ADGRL3: variants seen among roughly 807,000 people sequenced by gnomAD.
ADGRL3 encodes adhesion G protein-coupled receptor L3.
A neutral mutation model predicts 153.5 loss-of-function variants in ADGRL3; 62 were observed. The observed-to-expected ratio is 0.40, with a 90% CI of 0.33 to 0.50. The LOEUF (loss-of-function observed/expected upper bound fraction) is 0.50. Among genes scored for constraint, ADGRL3 ranks in the 20% least tolerant of loss-of-function variants. The pLI is 0.47. For synonymous variants in ADGRL3, 710 were observed against 672.5 expected, an observed-to-expected ratio of 1.06 and a Z score of -0.86; for missense variants, 1,641 against 1,859.4, an observed-to-expected ratio of 0.88 and a Z score of 2.16.
intron 2 of ADGRL3, among the ~76,000 whole-genome samples, chr4:61,390,548 C>T (rs879534001): frequency 6.6e-6 from 1 of 152,092 alleles, no homozygotes; most frequent in Admixed American, 6.5e-5. Context: ...TGTTCTCTTT[C>T]AGTTGGCAAT....
At chr4:61,755,868 A>G (rs2096823047) in intron 8 of ADGRL3, among the ~76,000 whole-genome samples, 1 of 152,156 alleles carries the variant, frequency 6.6e-6, no homozygotes, top group African/African-American at 2.4e-5. Context: ...ACCATTTATT[A>G]AATAGGGAAT....
chr4:61,684,166 C>T (rs1392293301), intron 6 of ADGRL3, among the ~76,000 whole-genome samples: 2 of 152,012 alleles, frequency 1.3e-5, no homozygotes, highest in African/African-American at 2.4e-5. Flanking sequence ...CCAGTTACAA[C>T]GTACAACATG....
chr4:61,864,555 A>C (rs2149316255), intron 9 of ADGRL3, among the ~76,000 whole-genome samples: 1 of 152,332 alleles, frequency 6.6e-6, no homozygotes, highest in South Asian at 2.1e-4. Context: ...TTATTGTGAT[A>C]GTCACTTACT....
intron 1 of ADGRL3, among the ~76,000 whole-genome samples, chr4:61,302,441 A>G (rs2094608888): frequency 6.7e-6 from 1 of 149,544 alleles, no homozygotes; most frequent in African/African-American, 2.5e-5. Flanking sequence ...TAGGTATTGG[A>G]TTTTTTTTTT....
intron 1 of ADGRL3, among the ~76,000 whole-genome samples, chr4:61,325,505 G>A (rs1464913837): frequency 1.3e-5 from 2 of 152,106 alleles, no homozygotes; most frequent in Non-Finnish European, 2.9e-5. Context: ...AAACTTTGAA[G>A]GTTGAGTGTG....
At chr4:61,921,148 T>G (rs1465554968) in intron 13 of ADGRL3, among the ~76,000 whole-genome samples, 2 of 151,976 alleles carry the variant, frequency 1.3e-5, no homozygotes, top group East Asian at 3.9e-4. Context: ...TAAAAAAAAC[T>G]TTTAAAAGCT....
At chr4:61,648,443 T>C (rs181291259) in intron 5 of ADGRL3, among the ~76,000 whole-genome samples, 41 of 150,386 alleles carry the variant, frequency 2.7e-4, no homozygotes, top group African/African-American at 9.7e-4. Flanking sequence ...CCTTTCCAGG[T>C]CAGTAAGTTA....
intron 9 of ADGRL3, among the ~76,000 whole-genome samples, chr4:61,853,411 C>T (rs2098230053): frequency 6.6e-6 from 1 of 152,132 alleles, no homozygotes; most frequent in African/African-American, 2.4e-5. Context: ...CAGATTGTCC[C>T]TTCGCAAACC....
chr4:61,229,011 C>T (rs17090414), intron 1 of ADGRL3, among the ~76,000 whole-genome samples: 1 of 152,068 alleles, frequency 6.6e-6, no homozygotes, highest in African/African-American at 2.4e-5. Flanking sequence ...TCTTTGTGTG[C>T]TTCAGCTGAA....
At chr4:61,405,610 A>G (rs2096984307) in intron 2 of ADGRL3, among the ~76,000 whole-genome samples, 1 of 151,946 alleles carries the variant, frequency 6.6e-6, no homozygotes, top group African/African-American at 2.4e-5. Flanking sequence ...AAAATACAAA[A>G]TGTAAAATTA....
At chr4:61,716,386 A>G (rs1405341899) in intron 6 of ADGRL3, among the ~76,000 whole-genome samples, 1 of 152,260 alleles carries the variant, frequency 6.6e-6, no homozygotes, top group South Asian at 2.1e-4. Flanking sequence ...GGTAGAAAAA[A>G]AGAAAATTAA....
intron 1 of ADGRL3, among the ~76,000 whole-genome samples, chr4:61,295,330 T>A (rs1404679667): frequency 1.3e-5 from 2 of 152,144 alleles, no homozygotes; most frequent in East Asian, 3.9e-4. Context: ...CTGTTGTTAA[T>A]CTCTTAAGGT....
intron 13 of ADGRL3, among the ~76,000 whole-genome samples, chr4:61,913,079 G>A (rs1381374135): frequency 3.3e-5 from 5 of 151,858 alleles, no homozygotes; most frequent in Non-Finnish European, 7.4e-5. Context: ...TTTTCATTGG[G>A]TCAGCCAATA....
intron 6 of ADGRL3, among the ~76,000 whole-genome samples, chr4:61,712,680 G>A (rs943788245): frequency 1.1e-4 from 17 of 152,078 alleles, no homozygotes; most frequent in African/African-American, 3.9e-4. Context: ...ATCCCCTCAA[G>A]TTTTGACTTA....
intron 11 of ADGRL3, among the ~76,000 whole-genome samples, chr4:61,897,337 C>A (rs1423330406): frequency 1.3e-5 from 2 of 152,096 alleles, no homozygotes; most frequent in Non-Finnish European, 2.9e-5. Context: ...TTTATAAAAT[C>A]TTAAAAAGTG....
intron 1 of ADGRL3, among the ~76,000 whole-genome samples, chr4:61,320,971 G>A (rs776017267): frequency 6.6e-6 from 1 of 151,952 alleles, no homozygotes; most frequent in Non-Finnish European, 1.5e-5. Context: ...TTGGCTCATG[G>A]CTTCCTTCCT....
intron 5 of ADGRL3, among the ~76,000 whole-genome samples, chr4:61,607,766 T>A (rs2099038287): frequency 6.6e-6 from 1 of 152,186 alleles, no homozygotes; most frequent in Admixed American, 6.5e-5. Flanking sequence ...AATCCTAATC[T>A]TGTGACTTTT....
chr4:61,558,948 T>C (rs780320538), intron 4 of ADGRL3, among the ~76,000 whole-genome samples: 29 of 152,110 alleles, frequency 1.9e-4, no homozygotes, highest in Non-Finnish European at 3.1e-4. Flanking sequence ...TCCTCATTGG[T>C]AAATAGGGGA....
chr4:61,493,459 A>G (rs1246001903), intron 2 of ADGRL3, among the ~76,000 whole-genome samples: 1 of 152,230 alleles, frequency 6.6e-6, no homozygotes, highest in Non-Finnish European at 1.5e-5. Context: ...TTTCTATAAA[A>G]TAACTTTCAC....
Sources: gnomAD v4.1 joint callset for allele counts (sites outside exome capture counted in the v4.1 genomes callset) on GRCh38, gnomAD v4.1.1 for gene constraint, MANE v1.5 for transcripts, NCBI Gene and HGNC (gene_info 2026-07-23, HGNC 2026-07-21) for gene names.